Variants in LRRTM4 observed in about 807,000 individuals in gnomAD.
LRRTM4 encodes the protein leucine-rich repeat transmembrane neuronal protein 4.
In LRRTM4, 25 loss-of-function variants were observed where a neutral mutation model predicts 47.6. That is an observed-to-expected ratio of 0.53 (90% CI 0.38 to 0.73). LRRTM4 has a LOEUF of 0.73. Ranked by LOEUF, LRRTM4 falls within the 30% of genes least tolerant of loss-of-function variation. LRRTM4 has a pLI of 0.00. For synonymous variants in LRRTM4, 311 were observed against 269.5 expected (o/e 1.15, Z -1.51); for missense variants, 638 against 713.4 (o/e 0.89, Z 1.20).
At chr2:76,770,444 G>C (rs764949958) in intron 3 of LRRTM4, among the ~76,000 whole-genome samples, 5 of 152,128 alleles carry the variant, frequency 3.3e-5, no homozygotes, top group Non-Finnish European at 7.4e-5. Context: ...GTAGTGTAAT[G>C]TTCTGGAGGG....
intron 3 of LRRTM4, among the ~76,000 whole-genome samples, chr2:77,243,571 G>C (rs7603897): frequency 2.0e-5 from 3 of 151,052 alleles, no homozygotes; most frequent in Non-Finnish European, 3.0e-5. Flanking sequence ...AATGGGTATA[G>C]AGTTTTAGTT....
intron 3 of LRRTM4, among the ~76,000 whole-genome samples, chr2:76,760,533 G>A (rs1673215462): frequency 6.6e-6 from 1 of 152,030 alleles, no homozygotes; most frequent in Non-Finnish European, 1.5e-5. Context: ...CAGCACGTCT[G>A]CTACTGCTAC....
intron 3 of LRRTM4, among the ~76,000 whole-genome samples, chr2:77,246,497 T>C (rs1336831478): frequency 6.6e-6 from 1 of 152,198 alleles, no homozygotes; most frequent in Non-Finnish European, 1.5e-5. Context: ...ATTAAATATT[T>C]AATTTCTCAG....
At chr2:76,750,070 G>A (rs1390002815) in intron 3 of LRRTM4, among the ~76,000 whole-genome samples, 2 of 152,180 alleles carry the variant, frequency 1.3e-5, no homozygotes, top group Non-Finnish European at 2.9e-5. Flanking sequence ...GAGGGAGATG[G>A]CAAGACTTGG....
In LRRTM4 at chr2:77,068,591, T is replaced by C. The variant is rs527465220; in HGVS notation, c.1552-319675A>G. Among the ~76,000 whole-genome samples the C allele has an allele frequency of 3.3e-5, 5 of 152,328 alleles. 1 individual carries two copies. The South Asian group carries it at 1.0e-3, about 32-fold the overall frequency. On this transcript the variant is annotated intron_variant, in intron 3 of 3. Transcript: ENST00000409884. ...TTTTCTGTCTGGCTTCCTTTAATTG[T>C]ATATGTTTTCAACGTTCTTCTATGT...
At chr2:77,118,349 C>CT (rs1671443311) in intron 3 of LRRTM4, among the ~76,000 whole-genome samples, 1 of 151,836 alleles carries the variant, frequency 6.6e-6, no homozygotes, top group South Asian at 2.1e-4. Context: ...AAAGTATCTA[C>CT]TTTTTTCACA....
At chr2:77,226,733 C>T (rs563332458) in intron 3 of LRRTM4, among the ~76,000 whole-genome samples, 12 of 151,066 alleles carry the variant, frequency 7.9e-5, no homozygotes, top group Middle Eastern at 3.2e-3. Flanking sequence ...AACAGACATC[C>T]TATAAACCTC....
intron 3 of LRRTM4, among the ~76,000 whole-genome samples, chr2:76,924,295 A>G (rs1325200543): frequency 6.6e-6 from 1 of 152,090 alleles, no homozygotes; most frequent in African/African-American, 2.4e-5. Flanking sequence ...CTGTCTTTAT[A>G]AACTATTTTC....
intron 3 of LRRTM4, among the ~76,000 whole-genome samples, chr2:77,413,959 G>A (rs1300381220): frequency 6.6e-6 from 1 of 152,010 alleles, no homozygotes; most frequent in African/African-American, 2.4e-5. Flanking sequence ...AAACATCAAT[G>A]AGACTTTCCT....
intron 3 of LRRTM4, among the ~76,000 whole-genome samples, chr2:77,359,182 T>G (rs1309736050): frequency 1.3e-5 from 2 of 152,156 alleles, no homozygotes; most frequent in African/African-American, 4.8e-5. Flanking sequence ...CTATCCACCT[T>G]TGTTTCTAAT....
intron 3 of LRRTM4, among the ~76,000 whole-genome samples, chr2:76,750,773 G>A (rs528327025): frequency 2.0e-4 from 30 of 152,204 alleles, no homozygotes; most frequent in African/African-American, 7.2e-4. Context: ...TTATTAATGT[G>A]ATTAATACAA....
chr2:77,326,422 C>T lies in LRRTM4; in HGVS notation c.1551+191896G>A, dbSNP rs555707652. On this transcript the variant is annotated intron_variant, in intron 3 of 3. Coordinates refer to ENST00000409884, the MANE Select transcript of LRRTM4 (RefSeq NM_001134745.3). The stretch of plus-strand genomic sequence containing the variant: ...TTTATTTTAGTTTTAGAATTGGGAT[C>T]TTGCTCTGTCTCCTAGGCTGGACAG... 4.9e-3 allele frequency among the ~76,000 whole-genome samples: 740 copies of T among 152,262 alleles called. 2 individuals are homozygous for T. The highest frequency in any genetic ancestry group is 8.3e-3 in the Non-Finnish European group (564 of 68,018).
At chr2:77,427,254 G>C (rs1405185679) in intron 3 of LRRTM4, among the ~76,000 whole-genome samples, 1 of 152,122 alleles carries the variant, frequency 6.6e-6, no homozygotes, top group Non-Finnish European at 1.5e-5. Context: ...TGGGATTACA[G>C]GCGTGAGCCA....
intron 3 of LRRTM4, among the ~76,000 whole-genome samples, chr2:77,272,477 G>A (rs1676226458): frequency 6.6e-6 from 1 of 152,062 alleles, no homozygotes; most frequent in African/African-American, 2.4e-5. Context: ...CATAAAATGA[G>A]GTCATTAAAC....
intron 3 of LRRTM4, among the ~76,000 whole-genome samples, chr2:77,334,407 A>G (rs968729620): frequency 4.6e-5 from 7 of 152,182 alleles, no homozygotes; most frequent in African/African-American, 1.7e-4. Flanking sequence ...GGGAGGAACT[A>G]GGCCAGAAGT....
At chr2:77,276,933 G>T (rs1001026904) in intron 3 of LRRTM4, among the ~76,000 whole-genome samples, 1 of 151,256 alleles carries the variant, frequency 6.6e-6, no homozygotes, top group African/African-American at 2.4e-5. Flanking sequence ...GGAAAAGAGG[G>T]CAAGGTGTGG....
chr2:77,342,489 T>A (rs1051354953), intron 3 of LRRTM4, among the ~76,000 whole-genome samples: 4 of 151,976 alleles, frequency 2.6e-5, no homozygotes, highest in Non-Finnish European at 4.4e-5. Context: ...CAGCTGTGGA[T>A]ACAGATGGGG....
intron 3 of LRRTM4, among the ~76,000 whole-genome samples, chr2:76,949,174 A>G (rs1267001810): frequency 6.6e-6 from 1 of 151,922 alleles, no homozygotes; most frequent in Non-Finnish European, 1.5e-5. Flanking sequence ...CTGTTTCAGA[A>G]TTAGCTTACA....
chr2:77,177,199 G>C (rs556576644), intron 3 of LRRTM4, among the ~76,000 whole-genome samples: 2 of 152,176 alleles, frequency 1.3e-5, no homozygotes, highest in South Asian at 4.1e-4. Context: ...ACTTAATTCT[G>C]TTCACTGCTC....
Sources: gnomAD v4.1 joint callset for allele counts (sites outside exome capture counted in the v4.1 genomes callset) on GRCh38, gnomAD v4.1.1 for gene constraint, MANE v1.5 for transcripts, NCBI Gene and HGNC (gene_info 2026-07-23, HGNC 2026-07-21) for gene names.